Variants in PTPRD observed in about 807,000 individuals in gnomAD.
The protein encoded by PTPRD is protein tyrosine phosphatase receptor type D, also known as receptor-type tyrosine-protein phosphatase delta.
PTPRD carries 34 observed loss-of-function variants against 214.5 expected under a neutral mutation model. The ratio of observed to expected loss-of-function variants is 0.16; its 90% CI spans 0.12 to 0.21. The LOEUF (loss-of-function observed/expected upper bound fraction) is 0.21. PTPRD is among the 10% of genes least tolerant of loss of function. PTPRD has a pLI of 1.00. For missense variants in PTPRD, 2,545 were observed against 2,398.7 expected, an observed-to-expected ratio of 1.06 and a Z score of -1.27; for synonymous variants, 1,128 against 845.7, an observed-to-expected ratio of 1.33 and a Z score of -5.79.
At chr9:10,367,151 T>C (rs1287318862) in intron 2 of PTPRD, among the ~76,000 whole-genome samples, 1 of 150,628 alleles carries the variant, frequency 6.6e-6, no homozygotes, top group East Asian at 1.9e-4. Context: ...CAATGTAGAG[T>C]AGCTATTCCT....
At chr9:10,281,570 C>A (rs915895569) in intron 3 of PTPRD, among the ~76,000 whole-genome samples, 19 of 152,076 alleles carry the variant, frequency 1.2e-4, no homozygotes, top group Non-Finnish European at 2.4e-4. Flanking sequence ...TACTTTGCTA[C>A]TTAAACAAAA....
chr9:8,321,402 TAAGAA>T (rs1827327627), intron 44 of PTPRD, among the ~76,000 whole-genome samples: 1 of 148,450 alleles, frequency 6.7e-6, no homozygotes, highest in African/African-American at 2.5e-5. Context: ...AAGTTATAAA[TAAGAA>T]AAGTGGTATT....
At chr9:9,791,047 G>A (rs913117266) in intron 5 of PTPRD, among the ~76,000 whole-genome samples, 3 of 152,082 alleles carry the variant, frequency 2.0e-5, no homozygotes, top group African/African-American at 4.8e-5. Context: ...GCTTATAGTA[G>A]AATGCATTAA....
At chr9:8,783,041 G>T (rs1221697563) in intron 11 of PTPRD, among the ~76,000 whole-genome samples, 2 of 152,038 alleles carry the variant, frequency 1.3e-5, no homozygotes, top group African/African-American at 4.8e-5. Context: ...CATTCCTCAA[G>T]ACTCAATTTC....
rs564162702 is a variant in PTPRD, at chr9:8,629,562, C to T, written c.352+3755G>A. 2.6e-5 allele frequency among the ~76,000 whole-genome samples: 4 copies of T among 151,908 alleles called. No homozygotes were observed. In the South Asian group the frequency reaches 8.3e-4, roughly 32 times the overall value. On this transcript the variant is annotated intron_variant, in intron 14 of 45. Coordinates refer to ENST00000381196, the MANE Select transcript of PTPRD (RefSeq NM_002839.4). ...AAAGCCTGATAGTTAATTCACTGTC[C>T]TTAGTAGCATTCCACAATTAGTTAA... is the stretch of plus-strand genomic sequence containing the variant.
At chr9:10,387,100 G>C (rs185142440) in intron 2 of PTPRD, among the ~76,000 whole-genome samples, 3 of 151,942 alleles carry the variant, frequency 2.0e-5, no homozygotes, top group Admixed American at 2.0e-4. Context: ...AGAATCTCCA[G>C]AAAGGATCAC....
At chr9:9,026,264 T>C (rs1359046155) in intron 10 of PTPRD, among the ~76,000 whole-genome samples, 1 of 151,848 alleles carries the variant, frequency 6.6e-6, no homozygotes, top group Non-Finnish European at 1.5e-5. Flanking sequence ...CTTTAGTGCT[T>C]GAAGAACACA....
chr9:9,048,147 A>C (rs751647241), intron 10 of PTPRD, among the ~76,000 whole-genome samples: 3 of 152,148 alleles, frequency 2.0e-5, no homozygotes, highest in Non-Finnish European at 4.4e-5. Context: ...AAAGACAGGC[A>C]ATAACAAATA....
At chr9:10,051,147 T>C (rs2097528817) in intron 3 of PTPRD, among the ~76,000 whole-genome samples, 1 of 152,112 alleles carries the variant, frequency 6.6e-6, no homozygotes, top group African/African-American at 2.4e-5. Context: ...AAGCATAGAA[T>C]GAAGTCATTT....
At chr9:9,907,594 A>C (rs2153820644) in intron 5 of PTPRD, among the ~76,000 whole-genome samples, 1 of 152,044 alleles carries the variant, frequency 6.6e-6, no homozygotes, top group African/African-American at 2.4e-5. Flanking sequence ...AACCTCATTT[A>C]ACCTTATTTC....
chr9:9,705,300 A>G (rs2097577583), intron 7 of PTPRD, among the ~76,000 whole-genome samples: 1 of 152,214 alleles, frequency 6.6e-6, no homozygotes, highest in Admixed American at 6.5e-5. Context: ...ATGTAGAATT[A>G]TACATTTTTC....
intron 8 of PTPRD, among the ~76,000 whole-genome samples, chr9:9,525,452 C>T (rs938193650): frequency 6.6e-6 from 1 of 152,026 alleles, no homozygotes; most frequent in Non-Finnish European, 1.5e-5. Flanking sequence ...TAAAAAAATA[C>T]AGCTTCCATG....
In PTPRD at chr9:9,285,926, C is replaced by T. The variant is rs370378314; in HGVS notation, c.-202-102563G>A. ...TGTAAATTAGTGTATCTTCTCAGTCCACAAGTACATTTTAAATTTCCTGGT... is the reference window on the plus strand; with the variant it reads ...TGTAAATTAGTGTATCTTCTCAGTCTACAAGTACATTTTAAATTTCCTGGT... On this transcript the variant is annotated intron_variant, in intron 9 of 45. Transcript: ENST00000381196. 3.9e-4 allele frequency among the ~76,000 whole-genome samples: 59 copies of T among 151,658 alleles called. No homozygotes were observed. The East Asian group carries it at 8.5e-3, about 22-fold the overall frequency.
chr9:8,522,948 C>T (rs1467534969), intron 19 of PTPRD, among the ~76,000 whole-genome samples: 1 of 152,012 alleles, frequency 6.6e-6, no homozygotes, highest in East Asian at 1.9e-4. Context: ...CGAGATAAAC[C>T]TCCGCTTATT....
At chr9:9,093,195 T>C (rs1010056137) in intron 10 of PTPRD, among the ~76,000 whole-genome samples, 1 of 151,996 alleles carries the variant, frequency 6.6e-6, no homozygotes, top group Non-Finnish European at 1.5e-5. Context: ...CACAAACTAA[T>C]AGAACTAAAA....
intron 5 of PTPRD, among the ~76,000 whole-genome samples, chr9:9,771,812 ATC>A (rs1234433823): frequency 1.3e-5 from 2 of 152,166 alleles, no homozygotes; most frequent in Non-Finnish European, 2.9e-5. Flanking sequence ...ATGTCTTTGT[ATC>A]TGCTTAAACC....
At chr9:10,332,301 A>G (rs1000282136) in intron 3 of PTPRD, among the ~76,000 whole-genome samples, 4 of 151,872 alleles carry the variant, frequency 2.6e-5, no homozygotes, top group Middle Eastern at 3.2e-3. Context: ...TAATATAAGA[A>G]GACTATGAAG....
chr9:8,767,171 G>A (rs773282896), intron 11 of PTPRD, among the ~76,000 whole-genome samples: 2 of 151,996 alleles, frequency 1.3e-5, no homozygotes, highest in Non-Finnish European at 2.9e-5. Context: ...AGGCTGGAAT[G>A]CAATGGCACG....
chr9:9,419,771 T>C (rs952983904), intron 8 of PTPRD, among the ~76,000 whole-genome samples: 4 of 151,922 alleles, frequency 2.6e-5, no homozygotes, highest in South Asian at 2.1e-4. Flanking sequence ...AAATTCATTA[T>C]AAAGATGACT....
Sources: allele counts gnomAD v4.1 joint callset (sites outside exome capture counted in the v4.1 genomes callset), GRCh38; gene constraint gnomAD v4.1.1; transcripts MANE v1.5; gene names NCBI Gene and HGNC (gene_info 2026-07-23, HGNC 2026-07-21).